DTHD1: variants seen among roughly 807,000 people sequenced by gnomAD.
DTHD1 encodes death domain-containing protein 1.
In DTHD1, 59 loss-of-function variants were observed where a neutral mutation model predicts 74.8. The ratio of observed to expected loss-of-function variants is 0.79; its 90% CI spans 0.64 to 0.98. The LOEUF is 0.98. DTHD1 is among the 50% of genes least tolerant of loss of function. The pLI is 0.00. For synonymous variants in DTHD1, 365 were observed against 371.1 expected, an observed-to-expected ratio of 0.98 and a Z score of 0.19; for missense variants, 1,051 against 1,065.4, an observed-to-expected ratio of 0.99 and a Z score of 0.19.
At chr4:36,329,059 T>G (rs1758518268) in intron 8 of DTHD1, among the ~76,000 whole-genome samples, 1 of 152,206 alleles carries the variant, frequency 6.6e-6, no homozygotes, top group Non-Finnish European at 1.5e-5. Context: ...AAGGTTGTTT[T>G]TCTTTTATGC....
chr4:36,294,491 T>A (rs983157025), intron 4 of DTHD1, among the ~76,000 whole-genome samples: 4 of 152,092 alleles, frequency 2.6e-5, no homozygotes, highest in African/African-American at 9.6e-5. Context: ...TAGAAATCAT[T>A]ATAAAACATC....
chr4:36,300,221 T>C (rs1311693007), intron 5 of DTHD1, among the ~76,000 whole-genome samples: 1 of 152,190 alleles, frequency 6.6e-6, no homozygotes, highest in Admixed American at 6.5e-5. Flanking sequence ...TCAGGCATAA[T>C]GGAGTTGCTT....
chr4:36,335,849 G>A (rs1293114534), intron 8 of DTHD1, among the ~76,000 whole-genome samples: 1 of 152,194 alleles, frequency 6.6e-6, no homozygotes, highest in African/African-American at 2.4e-5. Context: ...ATTCAATACA[G>A]GGCTATAATT....
chr4:36,325,757 A>G (rs1442151013), intron 8 of DTHD1, among the ~76,000 whole-genome samples: 1 of 152,150 alleles, frequency 6.6e-6, no homozygotes, highest in East Asian at 1.9e-4. Context: ...GTGATATAAT[A>G]CAGTGTTTGT....
intron 8 of DTHD1, among the ~76,000 whole-genome samples, chr4:36,331,902 C>T (rs1190289320): frequency 6.6e-6 from 1 of 152,168 alleles, no homozygotes; most frequent in Admixed American, 6.5e-5. Flanking sequence ...TTACAGAGGA[C>T]AAACTCGACA....
At chr4:36,335,547 T>G (rs1038524444) in intron 8 of DTHD1, among the ~76,000 whole-genome samples, 3 of 152,162 alleles carry the variant, frequency 2.0e-5, no homozygotes, top group African/African-American at 7.2e-5. Flanking sequence ...TTTTTACCAC[T>G]TTTTGTGTAC....
chr4:36,312,520 G>A (rs1757465198), intron 7 of DTHD1, among the ~76,000 whole-genome samples: 1 of 151,928 alleles, frequency 6.6e-6, no homozygotes, highest in Non-Finnish European at 1.5e-5. Context: ...AGGATAGGGG[G>A]ACCTTAAAGG....
intron 6 of DTHD1, 59 bp from the exon 7 acceptor site, chr4:36,308,145 T>C (rs961656631): frequency 4.0e-5 from 58 of 1,442,450 alleles, no homozygotes; most frequent in Non-Finnish European, 5.3e-5. Context: ...TTATTAGATA[T>C]CAGTGATGTT....
chr4:36,343,587 G>A lies in DTHD1; in HGVS notation c.2484G>A (p.Leu828=). Residue 828 remains leucine (L), a synonymous_variant, in exon 10 of 10, where the codon CTG becomes CTA. Coordinates refer to ENST00000639862, the MANE Select transcript of DTHD1 (RefSeq NM_001170700.3). Reference sequence around the variant, plus strand: ...AGTCTCTTTCCTCAACTCTCCCTCTGCGCCGTAGCACCATTCAGCTCATCA... The same window carrying A: ...AGTCTCTTTCCTCAACTCTCCCTCTACGCCGTAGCACCATTCAGCTCATCA... The part of the protein sequence containing the change: ...NAESLSSTLP[L]RRSTIQLIKL... The A allele has an allele frequency of 3.9e-6, 6 of 1,551,676 alleles. No homozygotes were observed. Among genetic ancestry groups the A allele is most frequent in the Non-Finnish European group, 5.2e-6 (6 of 1,146,940 alleles).
At chr4:36,326,669 A>G (rs16992062) in intron 8 of DTHD1, among the ~76,000 whole-genome samples, 2,148 of 152,372 alleles carry the variant, frequency 0.014, 60 homozygotes, top group African/African-American at 0.049. Context: ...TCTTTAATGA[A>G]TAAATGAAAG....
chr4:36,298,837 A>T lies in DTHD1; in HGVS notation c.1643+3798A>T, dbSNP rs189294489. Among the ~76,000 whole-genome samples, 10 of 152,338 alleles carry T rather than the reference A, an allele frequency of 6.6e-5. No homozygotes were observed. In the East Asian group the frequency reaches 1.3e-3, roughly 21 times the overall value. On this transcript the variant is annotated intron_variant, in intron 5 of 9. Coordinates refer to ENST00000639862, the MANE Select transcript of DTHD1 (RefSeq NM_001170700.3). ...CAATATTTTAGAGAGTTAGACAGGA[A>T]AATGGTTTTTGCCCATGAAAAATGA...
intron 2 of DTHD1, among the ~76,000 whole-genome samples, chr4:36,289,499 G>A (rs2109450406): frequency 6.6e-6 from 1 of 152,064 alleles, no homozygotes; most frequent in South Asian, 2.1e-4. Flanking sequence ...ACCATCTGTG[G>A]GATCTTTAAA....
At chr4:36,332,064 C>T (rs1477168792) in intron 8 of DTHD1, among the ~76,000 whole-genome samples, 1 of 151,998 alleles carries the variant, frequency 6.6e-6, no homozygotes, top group African/African-American at 2.4e-5. Flanking sequence ...GGCTGATCAC[C>T]TGAGGTCAGG....
chr4:36,301,898 A>C (rs1321265413), intron 5 of DTHD1, among the ~76,000 whole-genome samples: 1 of 152,114 alleles, frequency 6.6e-6, no homozygotes, highest in Non-Finnish European at 1.5e-5. Flanking sequence ...ATAATAGAGA[A>C]AGAAATTTGA....
chr4:36,296,436 GC>G (rs1756400956), intron 5 of DTHD1, among the ~76,000 whole-genome samples: 1 of 150,982 alleles, frequency 6.6e-6, no homozygotes, highest in African/African-American at 2.4e-5. Context: ...TAATACAAAA[GC>G]AAAAAAAATC....
intron 8 of DTHD1, chr4:36,332,673 G>A (rs12508637): frequency 0.22 from 34,159 of 152,106 alleles, 4,217 homozygotes; most frequent in Non-Finnish European, 0.25. Flanking sequence ...GAAGCATTGA[G>A]CTTCTTTCCA....
At chr4:36,290,023 C>T (rs183261161) in intron 2 of DTHD1, among the ~76,000 whole-genome samples, 2 of 152,216 alleles carry the variant, frequency 1.3e-5, no homozygotes, top group African/African-American at 4.8e-5. Flanking sequence ...CAATCTTCAG[C>T]TTCTTATTGT....
intron 8 of DTHD1, among the ~76,000 whole-genome samples, chr4:36,337,985 A>G (rs986003689): frequency 2.0e-5 from 3 of 152,242 alleles, no homozygotes; most frequent in Non-Finnish European, 4.4e-5. Flanking sequence ...ATGGCAAGAT[A>G]TCAAAATCAG....
At chr4:36,306,115 A>G in intron 5 of DTHD1, 76 bp from the exon 6 acceptor site, 1 of 1,288,850 alleles carries the variant, frequency 7.8e-7, no homozygotes, top group Non-Finnish European at 1.1e-6. Flanking sequence ...ATCATTCACA[A>G]TGAAAGAATG....
Sources: gnomAD v4.1 joint callset for allele counts (sites outside exome capture counted in the v4.1 genomes callset) on GRCh38, gnomAD v4.1.1 for gene constraint, MANE v1.5 for transcripts, NCBI Gene and HGNC (gene_info 2026-07-23, HGNC 2026-07-21) for gene names.